PRKG1: variants seen among roughly 807,000 people sequenced by gnomAD.
PRKG1 encodes cGMP-dependent protein kinase 1.
In PRKG1, 35 loss-of-function variants were observed where a neutral mutation model predicts 88.1. The observed-to-expected ratio is 0.40, with a 90% CI of 0.30 to 0.53. The LOEUF is 0.53. Among genes scored for constraint, PRKG1 ranks in the 20% least tolerant of loss-of-function variants. The pLI is 0.59. For missense variants in PRKG1, 540 were observed against 839.8 expected, an observed-to-expected ratio of 0.64 and a Z score of 4.41; for synonymous variants, 303 against 292.5, an observed-to-expected ratio of 1.04 and a Z score of -0.37.
intron 2 of PRKG1, among the ~76,000 whole-genome samples, chr10:51,229,622 G>A (rs1291526931): frequency 6.6e-6 from 1 of 152,048 alleles, no homozygotes; most frequent in Non-Finnish European, 1.5e-5. Flanking sequence ...GGGACTAAAA[G>A]CTTCAGTTCA....
In PRKG1 at chr10:51,865,841, T is replaced by C. The variant is rs1488646698; in HGVS notation, c.699-41666T>C. Among the ~76,000 whole-genome samples the C allele has an allele frequency of 2.0e-5, 3 of 152,054 alleles. No homozygotes were observed. In the East Asian group the frequency reaches 5.8e-4, roughly 29 times the overall value. Reference sequence around the variant, plus strand: ...TTCTGTTCTTTCTGTATTACTTTATTTGAATTTCTTAAAATATATAATAAG... The same window carrying C: ...TTCTGTTCTTTCTGTATTACTTTATCTGAATTTCTTAAAATATATAATAAG... On this transcript the variant is annotated intron_variant, in intron 4 of 17. Coordinates refer to ENST00000373980, the MANE Select transcript of PRKG1 (RefSeq NM_006258.4).
At chr10:52,160,649 TATGTAA>T (rs1838253312) in intron 8 of PRKG1, among the ~76,000 whole-genome samples, 1 of 152,008 alleles carries the variant, frequency 6.6e-6, no homozygotes, top group Non-Finnish European at 1.5e-5. Context: ...TAAAAAAGTA[TATGTAA>T]AAGCAATTAA....
At chr10:51,464,594 A>C (rs1227231815) in intron 2 of PRKG1, among the ~76,000 whole-genome samples, 2 of 152,088 alleles carry the variant, frequency 1.3e-5, no homozygotes, top group African/African-American at 4.8e-5. Flanking sequence ...AATTAGGCAA[A>C]TATAAGATAA....
intron 2 of PRKG1, among the ~76,000 whole-genome samples, chr10:51,414,394 TC>T (rs1005386042): frequency 1.3e-5 from 2 of 152,208 alleles, no homozygotes; most frequent in African/African-American, 4.8e-5. Flanking sequence ...TTTTCACTCT[TC>T]AACACTGTGG....
intron 3 of PRKG1, among the ~76,000 whole-genome samples, chr10:51,632,078 T>C (rs79179443): frequency 7.1e-6 from 1 of 140,820 alleles, no homozygotes; most frequent in African/African-American, 2.6e-5. Context: ...GTAAACTTTC[T>C]TGAAACATTA....
chr10:51,635,361 A>C (rs17543997), intron 3 of PRKG1, among the ~76,000 whole-genome samples: 42,725 of 151,624 alleles, frequency 0.28, 6,424 homozygotes, highest in Non-Finnish European at 0.34. Flanking sequence ...CAATATGTAA[A>C]TATAAGCTAA....
chr10:52,248,800 C>T (rs1017030661), intron 9 of PRKG1, among the ~76,000 whole-genome samples: 5 of 152,164 alleles, frequency 3.3e-5, no homozygotes, highest in African/African-American at 1.2e-4. Context: ...GAGGTCTTTG[C>T]TGTAGATATG....
intron 2 of PRKG1, among the ~76,000 whole-genome samples, chr10:51,454,390 A>G (rs1839522767): frequency 6.6e-6 from 1 of 152,294 alleles, no homozygotes; most frequent in South Asian, 2.1e-4. Flanking sequence ...CTGGTAAAAA[A>G]AAATAGGCCA....
intron 3 of PRKG1, among the ~76,000 whole-genome samples, chr10:51,626,850 T>C (rs979006852): frequency 6.6e-6 from 1 of 152,174 alleles, no homozygotes. Flanking sequence ...AGTTTGAACT[T>C]GTATTTTAAT....
At chr10:52,094,484 CA>C (rs1398551026) in intron 7 of PRKG1, among the ~76,000 whole-genome samples, 1 of 152,012 alleles carries the variant, frequency 6.6e-6, no homozygotes, top group African/African-American at 2.4e-5. Context: ...TATTTTATAT[CA>C]CCACCGTTCA....
intron 5 of PRKG1, among the ~76,000 whole-genome samples, chr10:52,014,812 T>C (rs1844993784): frequency 6.6e-6 from 1 of 152,168 alleles, no homozygotes; most frequent in Non-Finnish European, 1.5e-5. Flanking sequence ...CCCATGTAAG[T>C]CTGAAAGCTG....
intron 4 of PRKG1, among the ~76,000 whole-genome samples, chr10:51,855,098 G>A (rs139265959): frequency 3.5e-4 from 53 of 152,238 alleles, no homozygotes; most frequent in African/African-American, 1.1e-3. Flanking sequence ...GCATAATGTC[G>A]TAAAAGGTTA....
chr10:51,063,699 A>G (rs1336574878), intron 1 of PRKG1, among the ~76,000 whole-genome samples: 1 of 152,182 alleles, frequency 6.6e-6, no homozygotes, highest in Non-Finnish European at 1.5e-5. Flanking sequence ...CATTTGCATC[A>G]CTATCGAAAT....
intron 1 of PRKG1, among the ~76,000 whole-genome samples, chr10:51,121,251 C>T (rs943270026): frequency 2.6e-5 from 4 of 152,102 alleles, no homozygotes; most frequent in African/African-American, 9.7e-5. Flanking sequence ...TAATATATAT[C>T]CAAATTCTGA....
At chr10:51,653,370 C>T (rs1255851813) in intron 3 of PRKG1, among the ~76,000 whole-genome samples, 1 of 152,140 alleles carries the variant, frequency 6.6e-6, no homozygotes, top group East Asian at 1.9e-4. Flanking sequence ...CTCAACAACA[C>T]TGATCTTTTG....
chr10:51,517,544 A>G (rs1841621545), intron 3 of PRKG1, among the ~76,000 whole-genome samples: 1 of 152,236 alleles, frequency 6.6e-6, no homozygotes, highest in Admixed American at 6.5e-5. Flanking sequence ...CCCAAGATTG[A>G]CAAGACAGAA....
intron 9 of PRKG1, among the ~76,000 whole-genome samples, chr10:52,228,929 C>A (rs1035210529): frequency 6.6e-6 from 1 of 152,200 alleles, no homozygotes; most frequent in South Asian, 2.1e-4. Flanking sequence ...GTCTCAGAAA[C>A]ATTAGCCTTT....
chr10:52,285,428 T>C (rs1347268239), intron 14 of PRKG1, among the ~76,000 whole-genome samples: 2 of 151,998 alleles, frequency 1.3e-5, no homozygotes, highest in Middle Eastern at 3.2e-3. Flanking sequence ...TTCCTATAAC[T>C]ATGAGGGGAA....
chr10:52,064,270 G>C (rs1323855204), intron 7 of PRKG1, among the ~76,000 whole-genome samples: 1 of 152,204 alleles, frequency 6.6e-6, no homozygotes, highest in Non-Finnish European at 1.5e-5. Context: ...CAGGGGACTG[G>C]CATGCCAGCA....
Sources: gnomAD v4.1 joint callset for allele counts (sites outside exome capture counted in the v4.1 genomes callset) on GRCh38, gnomAD v4.1.1 for gene constraint, MANE v1.5 for transcripts, NCBI Gene and HGNC (gene_info 2026-07-23, HGNC 2026-07-21) for gene names.